Variants in FSTL5 observed in about 807,000 individuals in gnomAD.
FSTL5 encodes follistatin like 5.
FSTL5 carries 62 observed loss-of-function variants against 89.1 expected under a neutral mutation model. The ratio of observed to expected loss-of-function variants is 0.70; its 90% CI spans 0.57 to 0.86. FSTL5 has a LOEUF of 0.86. Ranked by LOEUF, FSTL5 falls within the 40% of genes least tolerant of loss-of-function variation. The pLI is 0.00. For missense variants in FSTL5, 1,057 were observed against 1,001.6 expected, an observed-to-expected ratio of 1.06 and a Z score of -0.75; for synonymous variants, 383 against 346.2, an observed-to-expected ratio of 1.11 and a Z score of -1.18.
At chr4:161,773,574 G>A (rs1333862592) in intron 5 of FSTL5, among the ~76,000 whole-genome samples, 1 of 152,030 alleles carries the variant, frequency 6.6e-6, no homozygotes, top group Non-Finnish European at 1.5e-5. Context: ...TATACAAATG[G>A]CCAACAAACA....
intron 6 of FSTL5, among the ~76,000 whole-genome samples, chr4:161,723,600 A>G (rs1303125953): frequency 6.6e-6 from 1 of 152,188 alleles, no homozygotes; most frequent in Non-Finnish European, 1.5e-5. Context: ...TTAAATGTGC[A>G]TTGCATCCTG....
chr4:161,404,634 A>C (rs1037826187), intron 15 of FSTL5, among the ~76,000 whole-genome samples: 14 of 152,148 alleles, frequency 9.2e-5, no homozygotes, highest in African/African-American at 2.9e-4. Context: ...TCAAAAGCTA[A>C]AGAAACTAAG....
chr4:161,542,536 A>G lies in FSTL5; in HGVS notation c.1173T>C (p.Leu391=). The G allele has an allele frequency of 6.8e-7, 1 of 1,480,206 alleles. No individual in the cohort carries two copies. The highest frequency in any genetic ancestry group is 1.5e-5 in the South Asian group (1 of 67,812). 91.7% of individuals were successfully genotyped at this position (1,480,206 alleles called of 1,614,324 possible). ...ITPKLSKQLT[L]QANGSEVHIS... is the part of the protein sequence containing the mutation. ...AAAAAAGCAAGTAAAAAGCACCTTGAAGCGTGAGTTGTTTGGAAAGCTTTG... is the reference window on the plus strand; with the variant it reads ...AAAAAAGCAAGTAAAAAGCACCTTGGAGCGTGAGTTGTTTGGAAAGCTTTG... Residue 391 remains leucine, a synonymous_variant, in exon 9 of 16, where the codon CTT becomes CTC. Transcript: ENST00000306100.
intron 6 of FSTL5, among the ~76,000 whole-genome samples, chr4:161,686,816 A>C (rs902023437): frequency 6.6e-6 from 1 of 152,134 alleles, no homozygotes; most frequent in Non-Finnish European, 1.5e-5. Context: ...CTTTTAAATA[A>C]AATTATTTTA....
intron 6 of FSTL5, among the ~76,000 whole-genome samples, chr4:161,706,163 C>T (rs1032511679): frequency 1.7e-4 from 26 of 150,616 alleles, no homozygotes; most frequent in African/African-American, 5.8e-4. Flanking sequence ...ATGTCACTGG[C>T]GCCTTTTGAG....
intron 15 of FSTL5, among the ~76,000 whole-genome samples, chr4:161,439,746 C>T (rs1297977779): frequency 5.9e-5 from 9 of 152,082 alleles, no homozygotes; most frequent in South Asian, 2.1e-4. Flanking sequence ...CACACGCACA[C>T]GTGTGCCTTT....
chr4:161,866,035 G>T (rs1188557981), intron 4 of FSTL5, among the ~76,000 whole-genome samples: 1 of 152,166 alleles, frequency 6.6e-6, no homozygotes, highest in African/African-American at 2.4e-5. Flanking sequence ...AGTGCTTCCA[G>T]AAATTCTTCC....
rs980449999 is a variant in FSTL5 at position 161,773,437 on chromosome 4, T to C, written c.606+2441A>G. On this transcript the variant is annotated intron_variant, in intron 5 of 15. Transcript: ENST00000306100. The stretch of plus-strand genomic sequence containing the variant: ...ACAGAGTGGGAGAAAATCTTTGCAA[T>C]CTATATATCTGACAAATGACTAATA... Among the ~76,000 whole-genome samples the C allele has an allele frequency of 2.0e-5, 3 of 152,084 alleles. 1 individual carries two copies. The highest frequency in any genetic ancestry group is 4.4e-5 in the Non-Finnish European group (3 of 68,014).
chr4:162,136,415 C>T (rs1561038896), intron 1 of FSTL5, among the ~76,000 whole-genome samples: 1 of 151,984 alleles, frequency 6.6e-6, no homozygotes, highest in South Asian at 2.1e-4. Flanking sequence ...AACCAAACTA[C>T]TTACTGAGAG....
intron 7 of FSTL5, among the ~76,000 whole-genome samples, chr4:161,616,659 T>A (rs1411965014): frequency 6.6e-6 from 1 of 151,970 alleles, no homozygotes; most frequent in Non-Finnish European, 1.5e-5. Context: ...GAATCCTGAT[T>A]AATACAGAAG....
chr4:161,954,338 A>G (rs1241016200), intron 3 of FSTL5, among the ~76,000 whole-genome samples: 2 of 151,620 alleles, frequency 1.3e-5, no homozygotes, highest in East Asian at 1.9e-4. Context: ...AGCTATTAAA[A>G]TGTTTTTAAG....
At chr4:161,761,069 G>A (rs572073553) in intron 5 of FSTL5, among the ~76,000 whole-genome samples, 1 of 152,272 alleles carries the variant, frequency 6.6e-6, no homozygotes, top group African/African-American at 2.4e-5. Context: ...GTATGTATCA[G>A]TGTTAAAATT....
chr4:161,779,758 G>GA (rs1560840562), intron 4 of FSTL5, among the ~76,000 whole-genome samples: 1 of 24,050 alleles, frequency 4.2e-5, no homozygotes, highest in African/African-American at 2.6e-4. Context: ...TATTTGTAAA[G>GA]TTATATATAT....
intron 6 of FSTL5, among the ~76,000 whole-genome samples, chr4:161,673,863 G>A (rs1737205791): frequency 6.6e-6 from 1 of 151,898 alleles, no homozygotes; most frequent in African/African-American, 2.4e-5. Flanking sequence ...ATGTTACAGT[G>A]CATGTAGAAT....
rs1244772485 is a variant in FSTL5, at chr4:161,656,392, C to T, written c.830G>A (p.Arg277Lys). The T allele has an allele frequency of 2.5e-6, 4 of 1,609,420 alleles. No individual in the cohort carries two copies. The highest frequency in any genetic ancestry group is 2.2e-5 in the East Asian group (1 of 44,752). ...VLSCAIQGTL[R>K]PPIIWKRNNI... The stretch of plus-strand genomic sequence containing the variant: ...GTTCCTTTTCCAGATAATGGGAGGT[C>T]TCAGGGTTCCTTGAATGGCACAGCT... The change falls in exon 7 of 16, where the codon AGA (arginine) becomes AAA (lysine). Residue 277 changes from arginine (R) to lysine (K), a missense_variant. Arg to Lys is a conservative substitution (Grantham distance 26). This residue lies in a region of FSTL5 where 980 missense variants were observed against 903.2 expected (regional missense o/e 1.08). Transcript: ENST00000306100.
chr4:161,547,151 T>TG (rs1297598798), intron 8 of FSTL5, among the ~76,000 whole-genome samples: 1 of 152,008 alleles, frequency 6.6e-6, no homozygotes, highest in Non-Finnish European at 1.5e-5. Context: ...TAAGGCCTCC[T>TG]GCCAATAGCC....
At chr4:162,041,131 T>G (rs1413231481) in intron 2 of FSTL5, among the ~76,000 whole-genome samples, 2 of 151,018 alleles carry the variant, frequency 1.3e-5, no homozygotes, top group Non-Finnish European at 2.9e-5. Flanking sequence ...GCAGGCTTTC[T>G]TAACTTGGGC....
chr4:161,542,403 T>G (rs969940671), intron 9 of FSTL5, 129 bp downstream of exon 9: 5 of 485,440 alleles, frequency 1.0e-5, no homozygotes, highest in Non-Finnish European at 1.7e-5. Context: ...ATGAGCATTT[T>G]TTTTCATATT....
At chr4:162,120,995 T>C (rs1299504638) in intron 1 of FSTL5, among the ~76,000 whole-genome samples, 1 of 151,962 alleles carries the variant, frequency 6.6e-6, no homozygotes, top group Non-Finnish European at 1.5e-5. Context: ...TTTCTCACAA[T>C]GATGTTCACT....
Sources: allele counts gnomAD v4.1 joint callset (sites outside exome capture counted in the v4.1 genomes callset), GRCh38; gene constraint gnomAD v4.1.1; regional missense constraint gnomAD v4.1.1; transcripts MANE v1.5; gene names NCBI Gene and HGNC (gene_info 2026-07-23, HGNC 2026-07-21).